Variants in NPNT observed in about 807,000 individuals in gnomAD.
NPNT encodes nephronectin.
Under a neutral mutation model 68.6 loss-of-function variants are expected in NPNT, and 45 were observed. The observed-to-expected ratio is 0.66, with a 90% CI of 0.52 to 0.84. NPNT has a LOEUF of 0.84. Among genes scored for constraint, NPNT ranks in the 40% least tolerant of loss-of-function variants. NPNT has a pLI of 0.00. For synonymous variants in NPNT, 233 were observed against 253.3 expected, an observed-to-expected ratio of 0.92 and a Z score of 0.76; for missense variants, 672 against 714.8, an observed-to-expected ratio of 0.94 and a Z score of 0.68.
intron 3 of NPNT, among the ~76,000 whole-genome samples, chr4:105,934,765 A>AT (rs905301863): frequency 8.6e-5 from 13 of 151,744 alleles, no homozygotes; most frequent in South Asian, 4.2e-4. Flanking sequence ...TACAGTCCAG[A>AT]TTTTTTTTTG....
At chr4:105,898,517 C>T (rs1726144966) in intron 2 of NPNT, among the ~76,000 whole-genome samples, 1 of 152,088 alleles carries the variant, frequency 6.6e-6, no homozygotes, top group Non-Finnish European at 1.5e-5. Context: ...TTATATAATC[C>T]TCACCATAGC....
Position 105,970,954 on chromosome 4 carries a change from A to G in NPNT, c.*1964A>G. The G allele has an allele frequency of 3.3e-6, 1 of 303,592 alleles. No individual in the cohort carries two copies. Among genetic ancestry groups the G allele is most frequent in the Non-Finnish European group, 6.6e-6 (1 of 151,598 alleles). 18.8% of individuals were successfully genotyped at this position (303,592 alleles called of 1,614,324 possible). On this transcript the variant is annotated 3_prime_UTR_variant, in exon 12 of 12. Transcript: ENST00000379987. ...TGGCAATCCTAGCAGTATTAAAGAAAAAAGGAAACTATTTATTCCAAATGA... is the reference window on the plus strand; with the variant it reads ...TGGCAATCCTAGCAGTATTAAAGAAGAAAGGAAACTATTTATTCCAAATGA...
intron 3 of NPNT, among the ~76,000 whole-genome samples, chr4:105,931,733 G>A (rs1729126413): frequency 6.6e-6 from 1 of 151,996 alleles, no homozygotes; most frequent in African/African-American, 2.4e-5. Flanking sequence ...CCAGCTACTC[G>A]GGAGGCTGTG....
intron 2 of NPNT, among the ~76,000 whole-genome samples, chr4:105,906,098 A>T (rs2149323041): frequency 6.6e-6 from 1 of 152,328 alleles, no homozygotes; most frequent in South Asian, 2.1e-4. Context: ...TAAAAATATT[A>T]GGAGGAGGGT....
At chr4:105,967,093 AAG>A in intron 10 of NPNT, 93 bp from the exon 11 acceptor site, 1 of 1,254,750 alleles carries the variant, frequency 8.0e-7, no homozygotes. Context: ...TTACAAAGAA[AAG>A]AAAAAAAAAA....
Position 105,970,830 on chromosome 4 carries a change from G to C in NPNT, c.*1840G>C. 3.2e-6 allele frequency: 1 copy of C among 312,658 alleles called. No homozygotes were observed. The highest frequency in any genetic ancestry group is 2.8e-5 in the South Asian group (1 of 35,608). The allele number at this position is 312,658 out of a possible 1,614,324, so 19.4% of individuals were successfully genotyped here. ...CTTTAGAACTAAATAATTTGGACAAGGCTTAATTTAGGCATTTCCCTCTTG... is the reference window on the plus strand; with the variant it reads ...CTTTAGAACTAAATAATTTGGACAACGCTTAATTTAGGCATTTCCCTCTTG... On this transcript the variant is annotated 3_prime_UTR_variant, in exon 12 of 12. Coordinates refer to ENST00000379987, the MANE Select transcript of NPNT (RefSeq NM_001033047.3).
At chr4:105,923,304 G>A (rs1728400852) in intron 2 of NPNT, among the ~76,000 whole-genome samples, 1 of 150,904 alleles carries the variant, frequency 6.6e-6, no homozygotes, top group Non-Finnish European at 1.5e-5. Flanking sequence ...TTATTTAGAT[G>A]TAGAAATAAA....
chr4:105,910,289 A>G (rs1354632605), intron 2 of NPNT, among the ~76,000 whole-genome samples: 1 of 152,174 alleles, frequency 6.6e-6, no homozygotes, highest in Non-Finnish European at 1.5e-5. Flanking sequence ...AGATGAACTG[A>G]AGCAAGGGTT....
At chr4:105,945,222 G>A (rs1730287737) in intron 8 of NPNT, among the ~76,000 whole-genome samples, 1 of 152,144 alleles carries the variant, frequency 6.6e-6, no homozygotes, top group Admixed American at 6.6e-5. Context: ...AATGGAAGAG[G>A]TTGTGAAAGA....
At chr4:105,957,183 A>G (rs940847105) in intron 8 of NPNT, among the ~76,000 whole-genome samples, 1 of 152,072 alleles carries the variant, frequency 6.6e-6, no homozygotes, top group Non-Finnish European at 1.5e-5. Context: ...ATTCCCACGC[A>G]TTTCCCCACC....
chr4:105,928,834 A>G (rs1310865360), intron 3 of NPNT, among the ~76,000 whole-genome samples: 1 of 152,190 alleles, frequency 6.6e-6, no homozygotes, highest in Non-Finnish European at 1.5e-5. Context: ...TCTGATATAG[A>G]AATGATATTG....
At chr4:105,935,662 C>G (rs1251107236) in intron 3 of NPNT, among the ~76,000 whole-genome samples, 4 of 152,112 alleles carry the variant, frequency 2.6e-5, no homozygotes, top group Admixed American at 1.3e-4. Flanking sequence ...TAGGAGATGA[C>G]AAAAGTATTT....
At chr4:105,945,110 C>A (rs1439694518) in intron 8 of NPNT, among the ~76,000 whole-genome samples, 1 of 152,102 alleles carries the variant, frequency 6.6e-6, no homozygotes, top group Non-Finnish European at 1.5e-5. Flanking sequence ...CTTCAAATAG[C>A]CCTCCACTTT....
intron 2 of NPNT, among the ~76,000 whole-genome samples, chr4:105,926,021 C>A (rs1728649304): frequency 6.6e-6 from 1 of 152,182 alleles, no homozygotes; most frequent in Admixed American, 6.5e-5. Flanking sequence ...CACCATTTAC[C>A]CATCTCTTTA....
At chr4:105,902,929 T>C (rs1726536060) in intron 2 of NPNT, 1 of 152,230 alleles carries the variant, frequency 6.6e-6, no homozygotes, top group African/African-American at 2.4e-5. Flanking sequence ...AATCCCTTCA[T>C]AAGCTTAATC....
chr4:105,905,695 G>A (rs1159095112), intron 2 of NPNT, among the ~76,000 whole-genome samples: 2 of 151,860 alleles, frequency 1.3e-5, no homozygotes, highest in East Asian at 3.9e-4. Context: ...TCAATATTTT[G>A]TTTTTACATA....
At chr4:105,962,853 G>GTA (rs1731831202) in intron 10 of NPNT, among the ~76,000 whole-genome samples, 1 of 112,726 alleles carries the variant, frequency 8.9e-6, no homozygotes, top group African/African-American at 4.9e-5. Flanking sequence ...TGGAGTGTAT[G>GTA]TGTGTGTGTG....
intron 10 of NPNT, among the ~76,000 whole-genome samples, chr4:105,963,639 A>C (rs73836935): frequency 0.094 from 14,233 of 151,740 alleles, 862 homozygotes; most frequent in African/African-American, 0.17. Flanking sequence ...TGTGTGTCAA[A>C]GCTAGAACTA....
intron 8 of NPNT, among the ~76,000 whole-genome samples, chr4:105,945,878 A>T (rs1730345392): frequency 6.6e-6 from 1 of 152,240 alleles, no homozygotes; most frequent in African/African-American, 2.4e-5. Context: ...GTCTCACAGC[A>T]TATATTTACT....
Sources: allele counts gnomAD v4.1 joint callset (sites outside exome capture counted in the v4.1 genomes callset), GRCh38; gene constraint gnomAD v4.1.1; transcripts MANE v1.5; gene names NCBI Gene and HGNC (gene_info 2026-07-23, HGNC 2026-07-21).